MAF: variants seen among roughly 807,000 people sequenced by gnomAD.
The protein encoded by MAF is transcription factor Maf.
MAF carries 10 observed loss-of-function variants against 22.0 expected under a neutral mutation model. The ratio of observed to expected loss-of-function variants is 0.45; its 90% CI spans 0.28 to 0.77. MAF has a LOEUF of 0.77. Among genes scored for constraint, MAF ranks in the 30% least tolerant of loss-of-function variants. The pLI, the probability that MAF is intolerant of heterozygous loss-of-function variation, is 0.12. For missense variants in MAF, 544 were observed against 548.4 expected, an observed-to-expected ratio of 0.99 and a Z score of 0.08; for synonymous variants, 337 against 255.8, an observed-to-expected ratio of 1.32 and a Z score of -3.03.
the MAF span, among the ~76,000 whole-genome samples, chr16:79,281,351 C>T: frequency 1.3e-5 from 2 of 151,730 alleles, no homozygotes; most frequent in Admixed American, 1.3e-4. Context: ...TTAGAAAATA[C>T]AATCTATGGT....
chr16:79,491,380 G>C, the MAF span, among the ~76,000 whole-genome samples: 1 of 152,168 alleles, frequency 6.6e-6, no homozygotes, highest in Non-Finnish European at 1.5e-5. Flanking sequence ...GCAAACAAAA[G>C]TCTTCTCCTG....
the MAF span, among the ~76,000 whole-genome samples, chr16:79,207,113 G>A: frequency 3.3e-5 from 5 of 152,078 alleles, no homozygotes; most frequent in African/African-American, 1.2e-4. Context: ...GCGTGTAGAC[G>A]GCCATCTATT....
the MAF span, among the ~76,000 whole-genome samples, chr16:79,340,615 C>T: frequency 6.6e-6 from 1 of 151,822 alleles, no homozygotes; most frequent in Admixed American, 6.6e-5. Flanking sequence ...GGAGCTAAAT[C>T]TCAGACAACT....
chr16:79,310,393 GAGAC>G, the MAF span, among the ~76,000 whole-genome samples: 2 of 152,190 alleles, frequency 1.3e-5, no homozygotes, highest in African/African-American at 4.8e-5. Context: ...AAGAGAGAGA[GAGAC>G]AGACAGAGAG....
the MAF span, among the ~76,000 whole-genome samples, chr16:79,335,978 G>C: frequency 6.6e-6 from 1 of 152,192 alleles, no homozygotes; most frequent in African/African-American, 2.4e-5. Context: ...TGAGAGCCCA[G>C]CTTCTGGGGA....
chr16:79,369,380 G>C, the MAF span, among the ~76,000 whole-genome samples: 4 of 152,160 alleles, frequency 2.6e-5, no homozygotes, highest in Non-Finnish European at 5.9e-5. Flanking sequence ...TCATCCCAAA[G>C]CCCATATTTT....
the MAF span, among the ~76,000 whole-genome samples, chr16:79,218,985 G>C: frequency 6.6e-6 from 1 of 152,150 alleles, no homozygotes; most frequent in Admixed American, 6.5e-5. Flanking sequence ...TCCTTAGCTG[G>C]TTACTTCTTC....
the MAF span, among the ~76,000 whole-genome samples, chr16:79,580,436 A>T: frequency 1.3e-5 from 2 of 152,198 alleles, no homozygotes; most frequent in Non-Finnish European, 2.9e-5. Flanking sequence ...ATCACTGACA[A>T]ATAAGATGAG....
the MAF span, among the ~76,000 whole-genome samples, chr16:79,440,715 T>C: frequency 3.9e-4 from 59 of 152,350 alleles, no homozygotes; most frequent in South Asian, 0.012. Context: ...TCAGCCAACC[T>C]CATCTAATTT....
the MAF span, among the ~76,000 whole-genome samples, chr16:79,256,251 G>T: frequency 2.0e-5 from 3 of 151,906 alleles, no homozygotes; most frequent in Non-Finnish European, 2.9e-5. Flanking sequence ...GCCTCCCAGA[G>T]TGCTGGGATT....
chr16:79,295,843 C>T, the MAF span, among the ~76,000 whole-genome samples: 52 of 152,322 alleles, frequency 3.4e-4, no homozygotes, highest in South Asian at 7.7e-3. Context: ...TTGGCAGTCC[C>T]GTTTCACAGA....
chr16:79,408,116 G>A, the MAF span, among the ~76,000 whole-genome samples: 1 of 150,848 alleles, frequency 6.6e-6, no homozygotes, highest in Non-Finnish European at 1.5e-5. Flanking sequence ...AGGCGTGGTG[G>A]AGGGATGGTT....
chr16:79,563,774 C>T, the MAF span, among the ~76,000 whole-genome samples: 1 of 151,566 alleles, frequency 6.6e-6, no homozygotes, highest in African/African-American at 2.4e-5. Flanking sequence ...AACACACACA[C>T]GTGTGACCAC....
At chr16:79,491,819 G>C in the MAF span, among the ~76,000 whole-genome samples, 3 of 152,146 alleles carry the variant, frequency 2.0e-5, no homozygotes, top group East Asian at 3.9e-4. Flanking sequence ...AGGTGATTGA[G>C]AATCTCTTCC....
At chr16:79,398,518 T>C in the MAF span, among the ~76,000 whole-genome samples, 47 of 152,256 alleles carry the variant, frequency 3.1e-4, no homozygotes, top group Admixed American at 2.4e-3. Context: ...GGAGATAATA[T>C]TGCCTTCCAG....
chr16:79,529,673 A>C, the MAF span, among the ~76,000 whole-genome samples: 1 of 152,158 alleles, frequency 6.6e-6, no homozygotes, highest in Non-Finnish European at 1.5e-5. Flanking sequence ...AATAAATATT[A>C]TTTTAGGCTG....
At chr16:79,384,852 G>A in the MAF span, among the ~76,000 whole-genome samples, 1 of 152,198 alleles carries the variant, frequency 6.6e-6, no homozygotes, top group African/African-American at 2.4e-5. Flanking sequence ...TCCTCCAGGG[G>A]TTGACCAGTT....
chr16:79,241,836 G>T, the MAF span, among the ~76,000 whole-genome samples: 1 of 152,062 alleles, frequency 6.6e-6, no homozygotes, highest in Non-Finnish European at 1.5e-5. Context: ...CAGACTAACA[G>T]CAAATCTCTC....
the MAF span, among the ~76,000 whole-genome samples, chr16:79,405,841 C>A: frequency 2.0e-4 from 30 of 152,332 alleles, no homozygotes; most frequent in African/African-American, 7.0e-4. Context: ...CTTTGGACTT[C>A]AGGTAGCAGA....
Sources: gnomAD v4.1 joint callset for allele counts (sites outside exome capture counted in the v4.1 genomes callset) on GRCh38, gnomAD v4.1.1 for gene constraint, MANE v1.5 for transcripts, NCBI Gene and HGNC (gene_info 2026-07-23, HGNC 2026-07-21) for gene names.